The following NPAS3 variants were observed in gnomAD, a reference collection of about 807,000 sequenced individuals.
NPAS3 encodes neuronal PAS domain protein 3.
NPAS3 carries 14 observed loss-of-function variants against 73.1 expected under a neutral mutation model. The observed-to-expected ratio is 0.19, with a 90% CI of 0.13 to 0.30. The LOEUF (loss-of-function observed/expected upper bound fraction) is 0.30. Ranked by LOEUF, NPAS3 falls within the 10% of genes least tolerant of loss-of-function variation. NPAS3 has a pLI of 1.00. For synonymous variants in NPAS3, 620 were observed against 541.5 expected, an observed-to-expected ratio of 1.14 and a Z score of -2.01; for missense variants, 1,096 against 1,250.0, an observed-to-expected ratio of 0.88 and a Z score of 1.86.
At chr14:33,159,656 C>A (rs1210352371) in intron 2 of NPAS3, among the ~76,000 whole-genome samples, 1 of 150,832 alleles carries the variant, frequency 6.6e-6, no homozygotes, top group African/African-American at 2.4e-5. Flanking sequence ...CGGATTCACA[C>A]CATTCTCCTG....
intron 2 of NPAS3, among the ~76,000 whole-genome samples, chr14:33,129,044 C>T (rs2043538692): frequency 6.6e-6 from 1 of 151,852 alleles, no homozygotes; most frequent in South Asian, 2.1e-4. Flanking sequence ...TTTTTGTAAC[C>T]TGGAGAAAAG....
intron 2 of NPAS3, among the ~76,000 whole-genome samples, chr14:33,123,054 G>T (rs1485427674): frequency 1.3e-5 from 2 of 151,916 alleles, no homozygotes; most frequent in Non-Finnish European, 1.5e-5. Flanking sequence ...TGTCATTGCT[G>T]CACACAACAA....
At chr14:33,500,725 A>G (rs1178986093) in intron 4 of NPAS3, among the ~76,000 whole-genome samples, 3 of 152,000 alleles carry the variant, frequency 2.0e-5, no homozygotes, top group African/African-American at 7.2e-5. Context: ...TCACTTTCTG[A>G]GGCAAATCCC....
intron 3 of NPAS3, among the ~76,000 whole-genome samples, chr14:33,225,656 ATAT>A: frequency 6.6e-6 from 1 of 152,338 alleles, no homozygotes; most frequent in Middle Eastern, 3.4e-3. Flanking sequence ...ATGTCATGAA[ATAT>A]TATTCTTAAG....
upstream of NPAS3, among the ~76,000 whole-genome samples, chr14:32,936,307 T>G (rs1403697138): frequency 6.6e-6 from 1 of 151,030 alleles, no homozygotes; most frequent in Non-Finnish European, 1.5e-5. Context: ...GTCTGAAGTT[T>G]TTTTTTTTTT....
chr14:33,368,527 T>C (rs918012480), intron 4 of NPAS3, among the ~76,000 whole-genome samples: 1 of 152,152 alleles, frequency 6.6e-6, no homozygotes. Flanking sequence ...TTCCATCAGG[T>C]CTGAGATAGC....
chr14:33,516,579 A>G (rs777373780), intron 4 of NPAS3, among the ~76,000 whole-genome samples: 1 of 152,158 alleles, frequency 6.6e-6, no homozygotes, highest in African/African-American at 2.4e-5. Flanking sequence ...TGCATGCCCT[A>G]GGGCAAGTTC....
intron 1 of NPAS3, among the ~76,000 whole-genome samples, chr14:32,965,504 A>C (rs1166569054): frequency 6.6e-6 from 1 of 152,236 alleles, no homozygotes; most frequent in African/African-American, 2.4e-5. Context: ...GACAAAATTC[A>C]ATGTTTCTTT....
intron 4 of NPAS3, among the ~76,000 whole-genome samples, chr14:33,524,832 C>A (rs1180437070): frequency 6.6e-6 from 1 of 152,134 alleles, no homozygotes; most frequent in Non-Finnish European, 1.5e-5. Context: ...ATACATCATT[C>A]CGATCTCTGC....
intron 3 of NPAS3, among the ~76,000 whole-genome samples, chr14:33,279,921 T>C (rs1004316807): frequency 3.3e-5 from 5 of 152,120 alleles, no homozygotes; most frequent in Admixed American, 2.6e-4. Context: ...GGAACCCAAA[T>C]TGAAATGCCT....
chr14:33,796,809 C>A (rs2063525153), intron 10 of NPAS3, among the ~76,000 whole-genome samples: 1 of 152,154 alleles, frequency 6.6e-6, no homozygotes, highest in Non-Finnish European at 1.5e-5. Context: ...CTGTTAGGGC[C>A]TCTTTCACAC....
intron 2 of NPAS3, among the ~76,000 whole-genome samples, chr14:33,173,746 G>T (rs2045482648): frequency 1.3e-5 from 2 of 152,066 alleles, no homozygotes; most frequent in South Asian, 2.1e-4. Flanking sequence ...GTGTCTTTTT[G>T]ATTTATAAAA....
At position 33,659,334 on chromosome 14, in the gene NPAS3, A is replaced by G. The variant is rs995966560; in HGVS notation, c.559-16877A>G. On this transcript the variant is annotated intron_variant, in intron 5 of 11. Coordinates refer to ENST00000356141, the Ensembl canonical transcript of NPAS3. ...TGGGTAATGGTTTCATTCCCAAGCC[A>G]TTTGCCTCTAGAGTCTACGTTAATG... Among the ~76,000 whole-genome samples the G allele has an allele frequency of 5.3e-5, 8 of 152,300 alleles. 1 individual carries two copies. The East Asian group carries it at 5.8e-4, about 11-fold the overall frequency.
intron 4 of NPAS3, among the ~76,000 whole-genome samples, chr14:33,515,787 C>G (rs905127670): frequency 6.6e-6 from 1 of 152,072 alleles, no homozygotes; most frequent in Admixed American, 6.6e-5. Context: ...GAATTTATTG[C>G]TCTTCATGGA....
intron 3 of NPAS3, among the ~76,000 whole-genome samples, chr14:33,300,752 A>G (rs1236276021): frequency 2.0e-5 from 3 of 151,998 alleles, no homozygotes; most frequent in South Asian, 2.1e-4. Context: ...GCCTGGAGAG[A>G]GCACCTCCCA....
intron 4 of NPAS3, among the ~76,000 whole-genome samples, chr14:33,482,021 A>G (rs2051350115): frequency 6.6e-6 from 1 of 151,878 alleles, no homozygotes; most frequent in African/African-American, 2.4e-5. Flanking sequence ...TTTTGAAAAC[A>G]GGCAGTGGAA....
rs556623477 is a variant in NPAS3 at position 33,040,103 on chromosome 14, G to T, written c.51-15802G>T. Among the ~76,000 whole-genome samples the T allele has an allele frequency of 1.1e-4, 16 of 151,980 alleles. No homozygotes were observed. The South Asian group carries it at 2.5e-3, about 24-fold the overall frequency. ...TGAATTTTATTAATGGGATTCCAGGGTTAGGCTGTTAGGATTGTGACTGAC... is the reference window on the plus strand; with the variant it reads ...TGAATTTTATTAATGGGATTCCAGGTTTAGGCTGTTAGGATTGTGACTGAC... On this transcript the variant is annotated intron_variant, in intron 1 of 11. Transcript: ENST00000356141.
chr14:33,055,004 C>T (rs1298498287), intron 1 of NPAS3, among the ~76,000 whole-genome samples: 4 of 152,124 alleles, frequency 2.6e-5, no homozygotes, highest in Non-Finnish European at 5.9e-5. Flanking sequence ...AGGGATTAGA[C>T]ATTATACTTT....
At chr14:33,258,585 G>A (rs1006180973) in intron 3 of NPAS3, among the ~76,000 whole-genome samples, 3 of 152,158 alleles carry the variant, frequency 2.0e-5, no homozygotes, top group African/African-American at 4.8e-5. Flanking sequence ...TGATTCATTA[G>A]AATTGTCCAT....
Sources: allele counts gnomAD v4.1 joint callset (sites outside exome capture counted in the v4.1 genomes callset), GRCh38; gene constraint gnomAD v4.1.1; transcripts MANE v1.5; gene names NCBI Gene and HGNC (gene_info 2026-07-23, HGNC 2026-07-21).